The following SNTG1 variants were observed in gnomAD, a reference collection of about 807,000 sequenced individuals.
The protein encoded by SNTG1 is gamma-1-syntrophin.
In SNTG1, 39 loss-of-function variants were observed where a neutral mutation model predicts 74.7. The observed-to-expected ratio is 0.52, with a 90% CI of 0.40 to 0.68. SNTG1 has a LOEUF of 0.68. SNTG1 is among the 30% of genes least tolerant of loss of function. The pLI, the probability that SNTG1 is intolerant of heterozygous loss-of-function variation, is 0.00. For synonymous variants in SNTG1, 254 were observed against 217.1 expected, an observed-to-expected ratio of 1.17 and a Z score of -1.49; for missense variants, 685 against 609.5, an observed-to-expected ratio of 1.12 and a Z score of -1.30.
rs1046479968 is a variant in SNTG1 at position 50,586,819 on chromosome 8, C to T, written c.811-4060C>T. Among the ~76,000 whole-genome samples, 153 of 151,176 alleles carry T rather than the reference C, an allele frequency of 1.0e-3. 1 individual carries two copies. The highest frequency in any genetic ancestry group is 3.5e-3 in the African/African-American group (144 of 41,172). ...TTGTTTTGATGACATTTTAGATTTT[C>T]GAAGTTTTAAACAATGGAGAGCTTC... On this transcript the variant is annotated intron_variant, in intron 12 of 18. Coordinates refer to ENST00000642720, the MANE Select transcript of SNTG1 (RefSeq NM_018967.5).
rs960084423 is a variant in SNTG1, at chr8:50,796,245, G to T, written c.*3416G>T. ...GCTTTAAAAGCACAAGGATGATCTTGTGCTTAACTTTTTAAGGTAAGTGTA... is the reference window on the plus strand; with the variant it reads ...GCTTTAAAAGCACAAGGATGATCTTTTGCTTAACTTTTTAAGGTAAGTGTA... On this transcript the variant is annotated 3_prime_UTR_variant, in exon 19 of 19. Coordinates refer to ENST00000642720, the MANE Select transcript of SNTG1 (RefSeq NM_018967.5). The T allele has an allele frequency of 6.6e-6, 1 of 152,018 alleles. No homozygotes were observed. Among genetic ancestry groups the T allele is most frequent in the African/African-American group, 2.4e-5 (1 of 41,426 alleles). The allele number at this position is 152,018 out of a possible 1,614,324, so 9.4% of individuals were successfully genotyped here.
chr8:50,638,653 C>T (rs528484099), intron 13 of SNTG1, among the ~76,000 whole-genome samples: 2 of 152,146 alleles, frequency 1.3e-5, no homozygotes, highest in African/African-American at 4.8e-5. Context: ...TTAAGGTATT[C>T]TTGAGAGTCT....
chr8:49,953,273 G>T (rs1187699771), intron 1 of SNTG1, among the ~76,000 whole-genome samples: 1 of 152,162 alleles, frequency 6.6e-6, no homozygotes, highest in Non-Finnish European at 1.5e-5. Context: ...CTTGTCCATA[G>T]ATAGAGTAGA....
intron 1 of SNTG1, among the ~76,000 whole-genome samples, chr8:50,129,477 A>G (rs1290117809): frequency 1.3e-5 from 2 of 152,160 alleles, no homozygotes; most frequent in African/African-American, 4.8e-5. Context: ...TTCCTACAAA[A>G]GTTGAAAACT....
intron 12 of SNTG1, among the ~76,000 whole-genome samples, chr8:50,589,594 A>G (rs903247132): frequency 6.7e-6 from 1 of 149,568 alleles, no homozygotes; most frequent in African/African-American, 2.6e-5. Flanking sequence ...TCAGATTAAA[A>G]AAAAAAAAAA....
chr8:50,689,675 T>C lies in SNTG1; in HGVS notation c.1039-14925T>C, dbSNP rs146724778. On this transcript the variant is annotated intron_variant, in intron 15 of 18. Coordinates refer to ENST00000642720, the MANE Select transcript of SNTG1 (RefSeq NM_018967.5). ...CAGTATTTTACTGAGGATTTTTGCA[T>C]TGATGTTCATCAAGGATATTGGTCT... Among the ~76,000 whole-genome samples, 1,407 of 152,348 alleles carry C rather than the reference T, an allele frequency of 9.2e-3. 30 individuals carry two copies. Among genetic ancestry groups the C allele is most frequent in the African/African-American group, 0.031 (1,296 of 41,580 alleles).
intron 14 of SNTG1, among the ~76,000 whole-genome samples, chr8:50,658,316 C>A (rs997359493): frequency 6.6e-6 from 1 of 151,426 alleles, no homozygotes; most frequent in Non-Finnish European, 1.5e-5. Flanking sequence ...GTAGAGAATG[C>A]GTATATTATT....
intron 5 of SNTG1, 130 bp downstream of exon 5, chr8:50,438,729 G>A (rs2093330321): frequency 1.5e-6 from 1 of 664,384 alleles, no homozygotes; most frequent in Non-Finnish European, 2.6e-6. Flanking sequence ...TTTGGACGGG[G>A]ATGTAAATTA....
chr8:50,698,593 C>T (rs191124133), intron 15 of SNTG1, among the ~76,000 whole-genome samples: 43 of 152,206 alleles, frequency 2.8e-4, no homozygotes, highest in Non-Finnish European at 4.9e-4. Flanking sequence ...TGCTTGAGCA[C>T]CAGATCCCCA....
chr8:50,271,058 T>G (rs929801706), intron 2 of SNTG1, among the ~76,000 whole-genome samples: 6 of 152,182 alleles, frequency 3.9e-5, no homozygotes, highest in African/African-American at 1.4e-4. Context: ...CATGAGATAC[T>G]CTGTACCAAA....
intron 2 of SNTG1, among the ~76,000 whole-genome samples, chr8:50,279,018 A>C (rs748028891): frequency 9.9e-5 from 15 of 152,188 alleles, no homozygotes; most frequent in Non-Finnish European, 1.5e-4. Flanking sequence ...ATTTAGAAGA[A>C]GATGAGTACA....
chr8:50,437,370 C>G (rs1448912919), intron 4 of SNTG1, among the ~76,000 whole-genome samples: 1 of 151,972 alleles, frequency 6.6e-6, no homozygotes, highest in African/African-American at 2.4e-5. Flanking sequence ...TTATAGAAAC[C>G]AAACTTTTGG....
At chr8:50,404,229 G>A (rs192858519) in intron 4 of SNTG1, among the ~76,000 whole-genome samples, 2 of 152,194 alleles carry the variant, frequency 1.3e-5, no homozygotes, top group Admixed American at 6.5e-5. Context: ...AGATGTATAT[G>A]ATCTCTACCC....
chr8:50,324,946 T>C (rs1488710774), intron 2 of SNTG1, among the ~76,000 whole-genome samples: 33 of 87,108 alleles, frequency 3.8e-4, no homozygotes, highest in Non-Finnish European at 3.2e-4. Flanking sequence ...TACATATATA[T>C]ATATATATAT....
chr8:49,916,262 G>A (rs964606367), intron 1 of SNTG1, among the ~76,000 whole-genome samples: 1 of 151,868 alleles, frequency 6.6e-6, no homozygotes, highest in East Asian at 1.9e-4. Flanking sequence ...AGAGTAAGAG[G>A]TCATTAAAAT....
chr8:50,572,399 A>T (rs2094554288), intron 12 of SNTG1, among the ~76,000 whole-genome samples: 1 of 152,104 alleles, frequency 6.6e-6, no homozygotes, highest in Non-Finnish European at 1.5e-5. Context: ...CAGGCTTCTG[A>T]TTCACAGTTG....
chr8:50,259,904 C>T (rs1223506512), intron 2 of SNTG1, among the ~76,000 whole-genome samples: 3 of 151,948 alleles, frequency 2.0e-5, no homozygotes, highest in Non-Finnish European at 4.4e-5. Flanking sequence ...GTTGGGAAAC[C>T]GAAGCTGTAA....
chr8:50,239,973 C>T (rs2086095768), intron 2 of SNTG1, among the ~76,000 whole-genome samples: 2 of 152,172 alleles, frequency 1.3e-5, no homozygotes, highest in South Asian at 4.1e-4. Context: ...TGACTTCCAT[C>T]ACTTCTGAAA....
chr8:49,979,751 A>G (rs1051610233), intron 1 of SNTG1, among the ~76,000 whole-genome samples: 1 of 152,190 alleles, frequency 6.6e-6, no homozygotes, highest in Non-Finnish European at 1.5e-5. Context: ...TGCTCCAGGT[A>G]TACTGGCTGA....
Sources: allele counts gnomAD v4.1 joint callset (sites outside exome capture counted in the v4.1 genomes callset), GRCh38; gene constraint gnomAD v4.1.1; transcripts MANE v1.5; gene names NCBI Gene and HGNC (gene_info 2026-07-23, HGNC 2026-07-21).